The following RUBCNL variants were observed in gnomAD, a reference collection of about 807,000 sequenced individuals.
The protein encoded by RUBCNL is rubicon like autophagy enhancer.
Under a neutral mutation model 69.5 loss-of-function variants are expected in RUBCNL, and 62 were observed. That is an observed-to-expected ratio of 0.89 (90% confidence interval 0.73 to 1.10). The LOEUF (loss-of-function observed/expected upper bound fraction) is 1.10, where lower values mean the gene tolerates loss of function less well. RUBCNL is among the 50% of genes least tolerant of loss of function. The pLI is 0.00. For synonymous variants in RUBCNL, 291 were observed against 303.6 expected (o/e 0.96, Z 0.43); for missense variants, 768 against 798.1 (o/e 0.96, Z 0.45).
At chr13:46,356,738 C>T (rs1348649387) in intron 9 of RUBCNL, among the ~76,000 whole-genome samples, 1 of 151,804 alleles carries the variant, frequency 6.6e-6, no homozygotes, top group Non-Finnish European at 1.5e-5. Flanking sequence ...GGGTCTTGCT[C>T]TGTCACGCAG....
upstream of RUBCNL, among the ~76,000 whole-genome samples, chr13:46,388,283 ACCCAAGGGAGGGAGGGAG>A (rs2049293549): frequency 7.3e-6 from 1 of 137,804 alleles, no homozygotes; most frequent in African/African-American, 2.7e-5. Flanking sequence ...GCAGGAAGGA[ACCCAAGGGAGGGAGGGAG>A]GGAAGAAGGA....
In RUBCNL at chr13:46,372,509, A is replaced by G; in HGVS notation, c.-34T>C. The G allele has an allele frequency of 1.3e-6, 2 of 1,558,750 alleles. No homozygotes were observed. The highest frequency in any genetic ancestry group is 1.2e-5 in the South Asian group (1 of 84,628). ...GCTTGTGGCTGGTGTGAATCCATTCAAAACAGATAGGAGTTCCCTGATTGC... is the reference window on the plus strand; with the variant it reads ...GCTTGTGGCTGGTGTGAATCCATTCGAAACAGATAGGAGTTCCCTGATTGC... On this transcript the variant is annotated 5_prime_UTR_variant, in exon 3 of 15. Transcript: ENST00000429979.
rs2048117663 is a variant in RUBCNL, at chr13:46,338,353, CCT to C, written c.*5030_*5031del. On this transcript the variant is annotated 3_prime_UTR_variant, in exon 15 of 15. Transcript: ENST00000429979. ...AGCTAGCATTGGGCCAACCCCTGCCCCTCTCTCTTCCCACTTTGGCTCCATCC... is the reference window on the plus strand; with the variant it reads ...AGCTAGCATTGGGCCAACCCCTGCCCCTCTCTTCCCACTTTGGCTCCATCC... Among the ~76,000 whole-genome samples, 2 of 152,164 alleles carry C rather than the reference CCT, an allele frequency of 1.3e-5. No individual in the cohort carries two copies. The highest frequency in any genetic ancestry group is 2.9e-5 in the Non-Finnish European group (2 of 68,030).
intron 1 of RUBCNL, among the ~76,000 whole-genome samples, chr13:46,378,979 T>C (rs2049060021): frequency 6.6e-6 from 1 of 152,162 alleles, no homozygotes; most frequent in African/African-American, 2.4e-5. Flanking sequence ...TCCCAAACAG[T>C]TCCTATCCCT....
rs770046113 is a variant in RUBCNL, at chr13:46,372,065, G to C, written c.411C>G (p.Val137=). 6.2e-7 allele frequency: 1 copy of C among 1,613,978 alleles called. No homozygotes were observed. The highest frequency in any genetic ancestry group is 8.5e-7 in the Non-Finnish European group (1 of 1,179,884). The change falls in exon 3 of 15, where the codon GTC becomes GTG. Residue 137 remains valine, a synonymous_variant. Transcript: ENST00000429979. The stretch of plus-strand genomic sequence containing the variant: ...ACACCCGATGAGAGTATCCTGGGCG[G>C]ACCATGTGTACCTCTGTTGAGGACA... ...FSLSSTEVHM[V]RPGYSHRVSL... is the part of the protein sequence containing the mutation.
chr13:46,362,852 T>G (rs1472833267), intron 6 of RUBCNL, among the ~76,000 whole-genome samples: 1 of 140,710 alleles, frequency 7.1e-6, no homozygotes, highest in African/African-American at 2.7e-5. Flanking sequence ...CCATAATGAA[T>G]ATCTGCTTTT....
intron 12 of RUBCNL, among the ~76,000 whole-genome samples, chr13:46,346,036 A>G (rs1594130151): frequency 6.6e-6 from 1 of 151,978 alleles, no homozygotes; most frequent in East Asian, 1.9e-4. Context: ...GAAAATTCTC[A>G]CTCACTCGGC....
At chr13:46,375,449 C>G (rs529985018) in intron 2 of RUBCNL, among the ~76,000 whole-genome samples, 56 of 152,294 alleles carry the variant, frequency 3.7e-4, no homozygotes, top group Non-Finnish European at 6.8e-4. Context: ...AGGAGAATCG[C>G]TTGAACCTGG....
At chr13:46,387,366 C>T (rs895989308), upstream of RUBCNL, 1 of 985,468 alleles carries the variant, frequency 1.0e-6, no homozygotes, top group African/African-American at 1.7e-5. Context: ...AGCAAAGCGC[C>T]GTTCCCGCCG....
intron 4 of RUBCNL, 162 bp from the exon 5 acceptor site, chr13:46,368,411 C>A: frequency 1.0e-6 from 1 of 976,568 alleles, no homozygotes; most frequent in Non-Finnish European, 1.2e-6. Context: ...TGACTTATAG[C>A]ACACATTGTC....
chr13:46,387,355 A>C (rs939108273), upstream of RUBCNL: 23 of 985,176 alleles, frequency 2.3e-5, no homozygotes, highest in African/African-American at 5.2e-5. Context: ...CTCCTCAGGG[A>C]AGCAAAGCGC....
chr13:46,351,753 T>C (rs1157099414), intron 10 of RUBCNL, among the ~76,000 whole-genome samples: 1 of 151,682 alleles, frequency 6.6e-6, no homozygotes, highest in Non-Finnish European at 1.5e-5. Flanking sequence ...ATATTCACTG[T>C]CTAAATCCCC....
chr13:46,364,177 CA>C (rs2048695486), intron 5 of RUBCNL, among the ~76,000 whole-genome samples: 1 of 151,880 alleles, frequency 6.6e-6, no homozygotes, highest in African/African-American at 2.4e-5. Context: ...AGGCGGATCA[CA>C]AGGTCAGGAG....
upstream of RUBCNL, among the ~76,000 whole-genome samples, chr13:46,388,305 A>AAGGAAGGAAGGAAG (rs2049294533): frequency 1.4e-5 from 2 of 139,140 alleles, no homozygotes; most frequent in African/African-American, 5.5e-5. Flanking sequence ...GAGGGAGGGA[A>AAGGAAGGAAGGAAG]GAAGGAAGGA....
rs111412888 is a variant in RUBCNL at position 46,352,573 on chromosome 13, G to A, written c.1331-2222C>T. On this transcript the variant is annotated intron_variant, in intron 10 of 14. Transcript: ENST00000429979. Reference sequence around the variant, plus strand: ...TAATCGCAGCACTTTGGGAGGCCGAGGTGGGCAGATCACCTGAGGTTGGGA... The same window carrying A: ...TAATCGCAGCACTTTGGGAGGCCGAAGTGGGCAGATCACCTGAGGTTGGGA... 1.9e-3 allele frequency among the ~76,000 whole-genome samples: 283 copies of A among 151,816 alleles called. 2 individuals carry two copies. Among genetic ancestry groups the A allele is most frequent in the African/African-American group, 6.4e-3 (263 of 41,396 alleles).
At chr13:46,362,939 GATATATATATATAT>G (rs57722239) in intron 6 of RUBCNL, among the ~76,000 whole-genome samples, 162 bp downstream of exon 6, 2 of 41,504 alleles carry the variant, frequency 4.8e-5, no homozygotes, top group South Asian at 7.7e-4. Context: ...TATATATATA[GATATATATATATAT>G]ATATATATAT....
chr13:46,385,327 A>C (rs564629311), intron 1 of RUBCNL: 489 of 903,102 alleles, frequency 5.4e-4, no homozygotes, highest in Admixed American at 6.2e-4. Context: ...AAACAATCAG[A>C]GATCTAATTG....
chr13:46,339,731 C>A lies in RUBCNL; in HGVS notation c.*3654G>T, dbSNP rs574114777. On this transcript the variant is annotated 3_prime_UTR_variant, in exon 15 of 15. Coordinates refer to ENST00000429979, the MANE Select transcript of RUBCNL (RefSeq NM_025113.5). Reference sequence around the variant, plus strand: ...AAAATTATCCAGGCCTGGTGGCGTGCGCCTGCAATCCCAGCTACTCGGGAG... The same window carrying A: ...AAAATTATCCAGGCCTGGTGGCGTGAGCCTGCAATCCCAGCTACTCGGGAG... Among the ~76,000 whole-genome samples the A allele has an allele frequency of 1.3e-5, 2 of 151,972 alleles. No homozygotes were observed. The highest frequency in any genetic ancestry group is 2.1e-4 in the South Asian group (1 of 4,808).
Position 46,337,637 on chromosome 13 carries a change from A to G in RUBCNL, c.*5748T>C, listed in dbSNP as rs74072630. On this transcript the variant is annotated 3_prime_UTR_variant, in exon 15 of 15. Coordinates refer to ENST00000429979, the MANE Select transcript of RUBCNL (RefSeq NM_025113.5). ...CACCTAGCGTAAGGTATTTTATTAT[A>G]GCAGCCTAAACAGACTACGACAGTG... Among the ~76,000 whole-genome samples the G allele has an allele frequency of 6.6e-6, 1 of 152,166 alleles. No homozygotes were observed. The highest frequency in any genetic ancestry group is 6.5e-5 in the Admixed American group (1 of 15,278).
Sources: allele counts gnomAD v4.1 joint callset (sites outside exome capture counted in the v4.1 genomes callset), GRCh38; gene constraint gnomAD v4.1.1; transcripts MANE v1.5; gene names NCBI Gene and HGNC (gene_info 2026-07-23, HGNC 2026-07-21).